PTPRB: variants seen among roughly 807,000 people sequenced by gnomAD.
PTPRB encodes receptor-type tyrosine-protein phosphatase beta.
Under a neutral mutation model 238.1 loss-of-function variants are expected in PTPRB, and 97 were observed. The ratio of observed to expected loss-of-function variants is 0.41; its 90% CI spans 0.35 to 0.48. The LOEUF (loss-of-function observed/expected upper bound fraction) is 0.48. PTPRB is among the 20% of genes least tolerant of loss of function. The pLI, the probability that PTPRB is intolerant of heterozygous loss-of-function variation, is 0.30. For synonymous variants in PTPRB, 970 were observed against 995.4 expected, an observed-to-expected ratio of 0.97 and a Z score of 0.48; for missense variants, 2,292 against 2,681.9, an observed-to-expected ratio of 0.85 and a Z score of 3.21.
chr12:70,590,271 G>A (rs1241049546), intron 7 of PTPRB, 38 bp from the exon 8 acceptor site: 4 of 1,503,814 alleles, frequency 2.7e-6, no homozygotes, highest in Admixed American at 4.5e-5. Context: ...AGATATTACA[G>A]ACCAAAAGTA....
At chr12:70,601,569 T>C (rs1883491585) in intron 4 of PTPRB, among the ~76,000 whole-genome samples, 1 of 152,056 alleles carries the variant, frequency 6.6e-6, no homozygotes, top group South Asian at 2.1e-4. Context: ...TGGAACTGCA[T>C]TTATGTAGCA....
At chr12:70,530,542 GTATA>G (rs1873083711) in intron 32 of PTPRB, among the ~76,000 whole-genome samples, 1 of 149,856 alleles carries the variant, frequency 6.7e-6, no homozygotes, top group Non-Finnish European at 1.5e-5. Context: ...GTGTATATAA[GTATA>G]TGTGTATTTA....
At chr12:70,608,164 A>G (rs575269837) in intron 4 of PTPRB, among the ~76,000 whole-genome samples, 13 of 152,370 alleles carry the variant, frequency 8.5e-5, no homozygotes, top group African/African-American at 3.1e-4. Flanking sequence ...TCTAAATTTG[A>G]CTTTTAAAAT....
At chr12:70,563,199 G>T (rs1282712320) in intron 15 of PTPRB, 92 bp from the exon 16 acceptor site, 1 of 1,264,420 alleles carries the variant, frequency 7.9e-7, no homozygotes, top group Non-Finnish European at 1.1e-6. Flanking sequence ...ACAGAAAGAG[G>T]AAGTTGGATT....
chr12:70,607,529 C>A (rs867371311), intron 4 of PTPRB, among the ~76,000 whole-genome samples: 37 of 151,316 alleles, frequency 2.4e-4, no homozygotes, highest in Middle Eastern at 6.9e-3. Context: ...TTAGAAACCA[C>A]CAGATTCATT....
chr12:70,592,847 A>G (rs1424915480), intron 6 of PTPRB, among the ~76,000 whole-genome samples: 2 of 152,222 alleles, frequency 1.3e-5, no homozygotes, highest in Non-Finnish European at 2.9e-5. Context: ...GTCAGCTGGG[A>G]AACTCTGGAC....
At chr12:70,554,370 C>A (rs1157867848) in intron 20 of PTPRB, among the ~76,000 whole-genome samples, 3 of 152,100 alleles carry the variant, frequency 2.0e-5, no homozygotes, top group South Asian at 2.1e-4. Flanking sequence ...AATGTCATTC[C>A]AGGCACAAGC....
At chr12:70,617,350 C>T (rs576797538) in intron 3 of PTPRB, among the ~76,000 whole-genome samples, 4 of 152,254 alleles carry the variant, frequency 2.6e-5, no homozygotes, top group African/African-American at 7.2e-5. Flanking sequence ...TCTTTTGAAA[C>T]GTATCCTCCC....
At position 70,609,218 on chromosome 12, in the gene PTPRB, C is replaced by T. The variant is rs1223488244; in HGVS notation, c.830G>A (p.Ser277Asn). 6.2e-7 allele frequency: 1 copy of T among 1,613,924 alleles called. No individual in the cohort carries two copies. Among genetic ancestry groups the T allele is most frequent in the Admixed American group, 1.7e-5 (1 of 60,006 alleles). ...CAACGCGGCCCCCAGGGTGTCACTG[C>T]TATAGATGAGGCTAAAGTTACAGGG... ...GSPCNFSLIY[S>N]SDTLGAALCP... Residue 277 changes from serine (S) to asparagine (N), a missense_variant, in exon 4 of 34, where the codon AGC becomes AAC. Ser to Asn is a conservative substitution (Grantham distance 46). This residue lies in a region of PTPRB where 1,205 missense variants were observed against 1,287.8 expected (regional missense o/e 0.94). Transcript: ENST00000334414.
intron 22 of PTPRB, among the ~76,000 whole-genome samples, chr12:70,543,229 G>C (rs1191621623): frequency 6.6e-6 from 1 of 152,104 alleles, no homozygotes. Flanking sequence ...GTGTTACTGT[G>C]TTATCCCTTA....
Position 70,560,978 on chromosome 12 carries a change from C to T in PTPRB, c.4169-44G>A. ...TGTTACTGAGAACAAAACAGAAACACAGGCATTTTGGCCCACAGGTGAGAG... is the reference window on the plus strand; with the variant it reads ...TGTTACTGAGAACAAAACAGAAACATAGGCATTTTGGCCCACAGGTGAGAG... On this transcript the variant is annotated intron_variant, in intron 16 of 33. Coordinates refer to ENST00000334414, the MANE Select transcript of PTPRB (RefSeq NM_001109754.4). This position sits in a 1 kb window ranked among gnomAD's most constrained non-coding sequence, Gnocchi z 4.2. 1 of 1,576,376 alleles carries T rather than the reference C, an allele frequency of 6.3e-7. No individual in the cohort carries two copies. Among genetic ancestry groups the T allele is most frequent in the African/African-American group, 1.4e-5 (1 of 73,900 alleles).
intron 20 of PTPRB, among the ~76,000 whole-genome samples, chr12:70,553,665 G>A (rs993269728): frequency 4.6e-5 from 7 of 152,184 alleles, no homozygotes; most frequent in South Asian, 2.1e-4. Flanking sequence ...GGAGAAAAGC[G>A]TAAGTAGAAA....
intron 2 of PTPRB, among the ~76,000 whole-genome samples, chr12:70,632,467 T>C (rs1885499228): frequency 6.6e-6 from 1 of 151,734 alleles, no homozygotes; most frequent in Non-Finnish European, 1.5e-5. Flanking sequence ...CTGGGAGAAA[T>C]GCCTAGTGTA....
intron 3 of PTPRB, among the ~76,000 whole-genome samples, chr12:70,617,031 G>T (rs1884710257): frequency 6.6e-6 from 1 of 152,182 alleles, no homozygotes; most frequent in Admixed American, 6.5e-5. Context: ...ATTTGCATTT[G>T]GTTGAAAGAA....
At chr12:70,622,105 T>C (rs1467609323) in intron 3 of PTPRB, among the ~76,000 whole-genome samples, 1 of 152,206 alleles carries the variant, frequency 6.6e-6, no homozygotes, top group African/African-American at 2.4e-5. Context: ...TCAGGACATG[T>C]GTAACACCAT....
rs1410812532 is a variant in PTPRB at position 70,592,337 on chromosome 12, A to T, written c.1725T>A (p.Thr575=). 6.2e-7 allele frequency: 1 copy of T among 1,613,938 alleles called. No homozygotes were observed. Among genetic ancestry groups the T allele is most frequent in the East Asian group, 2.2e-5 (1 of 44,900 alleles). ...ACAGTTCACCAGAGACACAGCTGAC[A>T]GTAACTTGATAAAGTCGACCGGGGA... ...ELVPGRLYQV[T]VSCVSGELSA... Residue 575 remains threonine, a synonymous_variant, in exon 7 of 34, where the codon ACT becomes ACA. Coordinates refer to ENST00000334414, the MANE Select transcript of PTPRB (RefSeq NM_001109754.4).
chr12:70,518,998 T>C lies in PTPRB; in HGVS notation c.*2491A>G, dbSNP rs558819159. 9 of 152,254 alleles carry C rather than the reference T, an allele frequency of 5.9e-5. No homozygotes were observed. In the South Asian group the frequency reaches 1.2e-3, roughly 21 times the overall value. 9.4% of individuals were successfully genotyped at this position (152,254 alleles called of 1,614,324 possible). ...TGAATGTCAAGGAAAACTTTTTTTT[T>C]CTCCTAAATTTAATAAATAAGTCAA... is the stretch of plus-strand genomic sequence containing the variant. On this transcript the variant is annotated 3_prime_UTR_variant, in exon 34 of 34. Transcript: ENST00000334414.
At chr12:70,557,156 C>T (rs530192449) in intron 18 of PTPRB, among the ~76,000 whole-genome samples, 3 of 152,168 alleles carry the variant, frequency 2.0e-5, no homozygotes, top group Admixed American at 6.5e-5. Context: ...AGGCATTCTA[C>T]GTAGAGAAAA....
intron 7 of PTPRB, among the ~76,000 whole-genome samples, 193 bp from the exon 8 acceptor site, chr12:70,590,426 G>A (rs192541951): frequency 1.1e-3 from 167 of 152,148 alleles, no homozygotes; most frequent in African/African-American, 3.6e-3. Context: ...AGAAATGTCC[G>A]CTAAAATCAT....
Sources: allele counts gnomAD v4.1 joint callset (sites outside exome capture counted in the v4.1 genomes callset), GRCh38; gene constraint gnomAD v4.1.1; regional missense constraint gnomAD v4.1.1; non-coding constraint Gnocchi (gnomAD v3.1); transcripts MANE v1.5; gene names NCBI Gene and HGNC (gene_info 2026-07-23, HGNC 2026-07-21).